ME3: variants seen among roughly 807,000 people sequenced by gnomAD.
The protein encoded by ME3 is NADP-dependent malic enzyme, mitochondrial.
ME3 carries 48 observed loss-of-function variants against 68.9 expected under a neutral mutation model. That is an observed-to-expected ratio of 0.70 (90% confidence interval 0.55 to 0.89). The LOEUF (loss-of-function observed/expected upper bound fraction) is 0.89. ME3 is among the 40% of genes least tolerant of loss of function. The probability of loss-of-function intolerance (pLI) is 0.00; values close to 1 mark genes in which losing one functional copy is unlikely to be tolerated. For synonymous variants in ME3, 320 were observed against 318.8 expected (o/e 1.00, Z -0.04); for missense variants, 675 against 797.4 (o/e 0.85, Z 1.85).
In ME3 at chr11:86,655,644, C is replaced by T. The variant is rs376528379; in HGVS notation, c.183+16118G>A. 1.5e-3 allele frequency among the ~76,000 whole-genome samples: 232 copies of T among 151,698 alleles called. 7 individuals carry two copies. In the East Asian group the frequency reaches 0.043, roughly 28 times the overall value. ...ACGTTAGACCTAAAACCATAAAAAC[C>T]CTAGAAGAAAACCTAGGCATTACCA... is the stretch of plus-strand genomic sequence containing the variant. On this transcript the variant is annotated intron_variant, in intron 2 of 14. Coordinates refer to ENST00000543262, the Ensembl canonical transcript of ME3.
chr11:86,602,513 A>G (rs1445937602), intron 2 of ME3, among the ~76,000 whole-genome samples: 1 of 152,136 alleles, frequency 6.6e-6, no homozygotes, highest in Non-Finnish European at 1.5e-5. Flanking sequence ...CAATATCGTG[A>G]AAATGGCCAT....
At chr11:86,512,623 A>G (rs934264434) in intron 4 of ME3, among the ~76,000 whole-genome samples, 4 of 152,214 alleles carry the variant, frequency 2.6e-5, no homozygotes, top group Non-Finnish European at 1.5e-5. Flanking sequence ...TCAAGGGATC[A>G]TGTGGGTTGT....
chr11:86,652,916 GA>G (rs149968951), intron 2 of ME3, among the ~76,000 whole-genome samples: 52,736 of 140,678 alleles, frequency 0.37, 9,602 homozygotes, highest in African/African-American at 0.47. Flanking sequence ...CAGGCAAATG[GA>G]AAAAAAAAAA....
At chr11:86,516,838 AG>A in intron 4 of ME3, among the ~76,000 whole-genome samples, 1 of 152,324 alleles carries the variant, frequency 6.6e-6, no homozygotes, top group East Asian at 1.9e-4. Flanking sequence ...TTTCCAAAAA[AG>A]ACCACAGGTT....
intron 4 of ME3, among the ~76,000 whole-genome samples, chr11:86,518,707 C>T (rs546235917): frequency 6.6e-6 from 1 of 152,286 alleles, no homozygotes; most frequent in African/African-American, 2.4e-5. Flanking sequence ...AGGTGATCTT[C>T]AGCTCTCCAC....
At chr11:86,489,100 CT>C (rs952542594) in intron 6 of ME3, 3 of 152,126 alleles carry the variant, frequency 2.0e-5, no homozygotes, top group African/African-American at 7.2e-5. Context: ...GAATTATCTA[CT>C]TTTTTGTCTA....
chr11:86,623,871 A>G (rs1192663044), intron 2 of ME3, among the ~76,000 whole-genome samples: 1 of 152,124 alleles, frequency 6.6e-6, no homozygotes, highest in Non-Finnish European at 1.5e-5. Context: ...TTAATAGAGT[A>G]GATGTCTTCT....
At chr11:86,581,138 AT>A (rs1400365229) in intron 2 of ME3, among the ~76,000 whole-genome samples, 119 of 152,334 alleles carry the variant, frequency 7.8e-4, no homozygotes, top group Middle Eastern at 3.4e-3. Flanking sequence ...ATCTAAAAAA[AT>A]ATATAGATTT....
intron 4 of ME3, among the ~76,000 whole-genome samples, chr11:86,536,786 G>A: frequency 6.6e-6 from 1 of 151,790 alleles, no homozygotes; most frequent in East Asian, 1.9e-4. Context: ...CCATTACTGG[G>A]TATATACCCA....
chr11:86,457,522 G>A, intron 8 of ME3: 1 of 1,134,730 alleles, frequency 8.8e-7, no homozygotes, highest in South Asian at 2.0e-5. Flanking sequence ...GAACTCAAGA[G>A]GAAAAACAGT....
chr11:86,638,519 C>A (rs143272589), intron 2 of ME3, among the ~76,000 whole-genome samples: 1 of 152,110 alleles, frequency 6.6e-6, no homozygotes, highest in South Asian at 2.1e-4. Context: ...CAAAAAAGGA[C>A]GAAAACTCAT....
chr11:86,534,352 A>C (rs182078024), intron 4 of ME3, among the ~76,000 whole-genome samples: 1 of 152,180 alleles, frequency 6.6e-6, no homozygotes, highest in Admixed American at 6.5e-5. Context: ...TTTTAAGTTA[A>C]TTTTTTTCTC....
chr11:86,564,470 A>AC, intron 2 of ME3, among the ~76,000 whole-genome samples: 1 of 119,626 alleles, frequency 8.4e-6, no homozygotes, highest in African/African-American at 2.9e-5. Context: ...AGGAAAAAAA[A>AC]AAAAAACAGT....
chr11:86,599,157 T>C (rs1257851256), intron 2 of ME3, among the ~76,000 whole-genome samples: 1 of 152,158 alleles, frequency 6.6e-6, no homozygotes, highest in Non-Finnish European at 1.5e-5. Flanking sequence ...TACTCTGAGC[T>C]ACAGGAGGAA....
intron 2 of ME3, among the ~76,000 whole-genome samples, chr11:86,563,001 C>T (rs556769618): frequency 4.6e-5 from 7 of 152,240 alleles, no homozygotes; most frequent in African/African-American, 1.7e-4. Flanking sequence ...AACATGACTT[C>T]ATTCTTTTTT....
At chr11:86,446,956 T>A (rs4944580) in intron 12 of ME3, 109 bp downstream of exon 12, 1 of 1,381,620 alleles carries the variant, frequency 7.2e-7, no homozygotes, top group Non-Finnish European at 9.7e-7. Context: ...CTTTCTGAAA[T>A]TCAGTTTGCT....
rs116719658 is a variant in ME3, at chr11:86,660,458, T to A, written c.183+11304A>T. 3.0e-3 allele frequency among the ~76,000 whole-genome samples: 460 copies of A among 152,352 alleles called. 2 individuals are homozygous for A. The highest frequency in any genetic ancestry group is 0.01 in the African/African-American group (436 of 41,592). On this transcript the variant is annotated intron_variant, in intron 2 of 14. Transcript: ENST00000543262. ...TACTTCACTTAATCATTATAGCAAC[T>A]TGTCAAGTAGATATGTTTTATTGTC...
chr11:86,572,153 G>C (rs547929894), intron 2 of ME3, among the ~76,000 whole-genome samples: 1 of 152,294 alleles, frequency 6.6e-6, no homozygotes, highest in South Asian at 2.1e-4. Context: ...GAAACAACTA[G>C]CACGTCTCAC....
At chr11:86,666,063 A>G (rs938223812) in intron 2 of ME3, among the ~76,000 whole-genome samples, 1 of 152,234 alleles carries the variant, frequency 6.6e-6, no homozygotes. Context: ...CTTCATATCA[A>G]CATTTTGTGG....
Sources: allele counts gnomAD v4.1 joint callset (sites outside exome capture counted in the v4.1 genomes callset), GRCh38; gene constraint gnomAD v4.1.1; transcripts MANE v1.5; gene names NCBI Gene and HGNC (gene_info 2026-07-23, HGNC 2026-07-21).